Variants in CCDC3 observed in about 807,000 individuals in gnomAD.
The protein encoded by CCDC3 is coiled-coil domain containing 3.
In CCDC3, 24 loss-of-function variants were observed where a neutral mutation model predicts 21.4. That is an observed-to-expected ratio of 1.12 (90% confidence interval 0.81 to 1.58). The LOEUF is 1.58. CCDC3 is among the 40% of genes most tolerant of loss of function. The probability of loss-of-function intolerance (pLI) is 0.00; values close to 1 mark genes in which losing one functional copy is unlikely to be tolerated. For missense variants in CCDC3, 425 were observed against 360.9 expected, an observed-to-expected ratio of 1.18 and a Z score of -1.44; for synonymous variants, 186 against 166.0, an observed-to-expected ratio of 1.12 and a Z score of -0.93.
At chr10:13,062,854 G>A (rs11258166) in intron 4 of CCDC3, among the ~76,000 whole-genome samples, 111,658 of 151,538 alleles carry the variant, frequency 0.74, 41,269 homozygotes, top group Admixed American at 0.79. Flanking sequence ...TATTTTGCAT[G>A]CCCTGCACTT....
intron 5 of CCDC3, among the ~76,000 whole-genome samples, chr10:13,017,516 CAA>C: frequency 9.0e-6 from 1 of 111,684 alleles, no homozygotes; most frequent in African/African-American, 3.5e-5. Context: ...GACTCCATCT[CAA>C]AAAAAAAAAA....
At chr10:13,058,476 G>A (rs1270760151) in intron 4 of CCDC3, 1 of 753,686 alleles carries the variant, frequency 1.3e-6, no homozygotes, top group Non-Finnish European at 2.4e-6. Flanking sequence ...CCCTCAATAT[G>A]GCCTAAGCAA....
chr10:13,076,295 T>C (rs1215721456), intron 3 of CCDC3, among the ~76,000 whole-genome samples: 1 of 152,174 alleles, frequency 6.6e-6, no homozygotes, highest in Non-Finnish European at 1.5e-5. Context: ...GTCAGAGGCA[T>C]TCAAACCAGA....
chr10:12,945,848 A>G (rs559109289), intron 2 of CCDC3, among the ~76,000 whole-genome samples: 1 of 152,274 alleles, frequency 6.6e-6, no homozygotes, highest in African/African-American at 2.4e-5. Context: ...GCCTTTGACT[A>G]TCTGTTGGCT....
intron 2 of CCDC3, among the ~76,000 whole-genome samples, chr10:12,916,426 C>CAAAAAAA (rs71386129): frequency 9.5e-6 from 1 of 105,270 alleles, no homozygotes. Flanking sequence ...GACTCCATCT[C>CAAAAAAA]AAAAAAAAAA....
chr10:13,078,196 A>G (rs546073995), intron 3 of CCDC3, among the ~76,000 whole-genome samples: 16 of 152,342 alleles, frequency 1.1e-4, no homozygotes, highest in African/African-American at 3.4e-4. Flanking sequence ...AAAAGTGGGC[A>G]AAGGATATGA....
At chr10:13,026,018 A>T (rs1836209910) in intron 5 of CCDC3, among the ~76,000 whole-genome samples, 1 of 152,010 alleles carries the variant, frequency 6.6e-6, no homozygotes, top group African/African-American at 2.4e-5. Flanking sequence ...CCATCTCTAC[A>T]AAAAATATAA....
At position 13,001,661 on chromosome 10, in the gene CCDC3, G is replaced by A. The variant is rs548817220; in HGVS notation, c.-91C>T. On this transcript the variant is annotated 5_prime_UTR_variant, in exon 1 of 3. Coordinates refer to ENST00000378825, the MANE Select transcript of CCDC3 (RefSeq NM_031455.4). Reference sequence around the variant, plus strand: ...GGCAGCCCTGGGCGCTCGGCTGCTCGGGCCGCTCCCGGGAGCTGAGCGCAC... The same window carrying A: ...GGCAGCCCTGGGCGCTCGGCTGCTCAGGCCGCTCCCGGGAGCTGAGCGCAC... 2.6e-5 allele frequency: 23 copies of A among 884,622 alleles called. No individual in the cohort carries two copies. In the Admixed American group the frequency reaches 1.1e-3, roughly 41 times the overall value. The allele number at this position is 884,622 out of a possible 1,614,324, so 54.8% of individuals were successfully genotyped here.
intron 2 of CCDC3, among the ~76,000 whole-genome samples, chr10:12,992,449 A>T (rs1233850353): frequency 6.6e-6 from 1 of 152,220 alleles, no homozygotes; most frequent in Non-Finnish European, 1.5e-5. Flanking sequence ...TGTATTTTAT[A>T]TATGTCATGG....
In CCDC3 at chr10:13,051,981, G is replaced by T. The variant is rs531380023; in HGVS notation, c.-269-2040C>A. On this transcript the variant is annotated intron_variant, in intron 4 of 6. Transcript: ENST00000378839. ...CCTCTCCTGGGTTCCTTCTGCAGAA[G>T]TTGTGTATGCAGCTGCTCATCTAAG... Among the ~76,000 whole-genome samples, 17 of 152,282 alleles carry T rather than the reference G, an allele frequency of 1.1e-4. 1 individual carries two copies. The highest frequency in any genetic ancestry group is 8.5e-4 in the Admixed American group (13 of 15,296).
At chr10:12,927,402 ATACTCAG>A (rs1212035654) in intron 2 of CCDC3, among the ~76,000 whole-genome samples, 1 of 152,236 alleles carries the variant, frequency 6.6e-6, no homozygotes, top group African/African-American at 2.4e-5. Flanking sequence ...ATACTAGCTA[ATACTCAG>A]TACAACTGCC....
upstream of CCDC3, among the ~76,000 whole-genome samples, chr10:13,002,448 C>G (rs938848312): frequency 6.6e-6 from 1 of 152,078 alleles, no homozygotes; most frequent in Non-Finnish European, 1.5e-5. Context: ...AGTACAGTGG[C>G]TCCATCAGGG....
intron 5 of CCDC3, among the ~76,000 whole-genome samples, chr10:13,024,961 C>T (rs183749064): frequency 6.6e-6 from 1 of 152,296 alleles, no homozygotes; most frequent in East Asian, 1.9e-4. Context: ...ATTCCTTCTG[C>T]CAGACTCAAA....
At position 12,897,931 on chromosome 10, in the gene CCDC3, C is replaced by T. The variant is rs772025814; in HGVS notation, c.*485G>A. The T allele has an allele frequency of 1.7e-4, 26 of 154,100 alleles. No homozygotes were observed. Among genetic ancestry groups the T allele is most frequent in the Non-Finnish European group, 3.6e-4 (25 of 69,326 alleles). The allele number at this position is 154,100 out of a possible 1,614,324, so 9.5% of individuals were successfully genotyped here. A position where few individuals can be genotyped will look rare whatever the true frequency, so the allele number is the denominator to read the frequency against. On this transcript the variant is annotated 3_prime_UTR_variant, in exon 3 of 3. Coordinates refer to ENST00000378825, the MANE Select transcript of CCDC3 (RefSeq NM_031455.4). ...TCAGGCATCTTGGATGCAAGGCCAC[C>T]ATCCCCTTCCAAAGATGTGGCCAGT...
At chr10:12,981,068 T>C (rs564378205) in intron 2 of CCDC3, among the ~76,000 whole-genome samples, 19 of 152,194 alleles carry the variant, frequency 1.2e-4, no homozygotes, top group South Asian at 8.3e-4. Flanking sequence ...AGACAGGGTC[T>C]TGCTATGTTG....
chr10:12,968,221 A>ACACACACACACACACT (rs1835291551), intron 2 of CCDC3, among the ~76,000 whole-genome samples: 1 of 151,744 alleles, frequency 6.6e-6, no homozygotes, highest in Admixed American at 6.6e-5. Context: ...ACACACACAC[A>ACACACACACACACACT]CACAGAGTAT....
intron 5 of CCDC3, among the ~76,000 whole-genome samples, chr10:13,006,997 T>C (rs1006927237): frequency 6.6e-6 from 1 of 152,200 alleles, no homozygotes; most frequent in African/African-American, 2.4e-5. Flanking sequence ...ATTACTAGTA[T>C]GCCCCTCCCG....
upstream of CCDC3, among the ~76,000 whole-genome samples, chr10:13,003,949 G>C (rs1203106674): frequency 6.6e-6 from 1 of 152,228 alleles, no homozygotes; most frequent in Non-Finnish European, 1.5e-5. Flanking sequence ...ATCTGGCAGA[G>C]TGCCTCACTG....
At chr10:12,932,692 T>C (rs1018101440) in intron 2 of CCDC3, among the ~76,000 whole-genome samples, 2 of 152,196 alleles carry the variant, frequency 1.3e-5, no homozygotes, top group African/African-American at 4.8e-5. Flanking sequence ...GAACTTCCAA[T>C]ATGATGTTGA....
Sources: allele counts gnomAD v4.1 joint callset (sites outside exome capture counted in the v4.1 genomes callset), GRCh38; gene constraint gnomAD v4.1.1; transcripts MANE v1.5; gene names NCBI Gene and HGNC (gene_info 2026-07-23, HGNC 2026-07-21).